DLC1: variants seen among roughly 807,000 people sequenced by gnomAD.
The protein encoded by DLC1 is rho GTPase-activating protein 7.
A neutral mutation model predicts 140.3 loss-of-function variants in DLC1; 54 were observed. The observed-to-expected ratio is 0.38, with a 90% CI of 0.31 to 0.48. The LOEUF is 0.48. Among genes scored for constraint, DLC1 ranks in the 20% least tolerant of loss-of-function variants. The pLI is 0.96. For synonymous variants in DLC1, 986 were observed against 728.1 expected (o/e 1.35, Z -5.70); for missense variants, 2,536 against 1,907.0 (o/e 1.33, Z -6.14).
intron 2 of DLC1, among the ~76,000 whole-genome samples, chr8:13,494,283 C>T (rs948280066): frequency 1.3e-5 from 2 of 152,172 alleles, no homozygotes; most frequent in Non-Finnish European, 2.9e-5. Context: ...TTGTCCCTTA[C>T]GTCTTTGATA....
At chr8:13,169,371 A>C (rs543840552) in intron 5 of DLC1, among the ~76,000 whole-genome samples, 1 of 152,348 alleles carries the variant, frequency 6.6e-6, no homozygotes, top group East Asian at 1.9e-4. Flanking sequence ...TTAATCTCTC[A>C]AATGTGAATG....
At chr8:13,603,607 T>C (rs927011456) in intron 1 of DLC1, among the ~76,000 whole-genome samples, 2 of 152,068 alleles carry the variant, frequency 1.3e-5, no homozygotes, top group Admixed American at 6.6e-5. Context: ...CTCTACATCA[T>C]AGTGGCAATT....
rs998935617 is a variant in DLC1, at chr8:13,586,552, C to A, written c.-126+17985G>T. 4.7e-5 allele frequency among the ~76,000 whole-genome samples: 7 copies of A among 149,610 alleles called. No homozygotes were observed. The Admixed American group carries it at 4.7e-4, about 10-fold the overall frequency. ...AATGAATTGAGTTTTTTTAATTAGA[C>A]TTTTTTAAATATTTAGAGAATAATG... On this transcript the variant is annotated intron_variant, in intron 1 of 1. Transcript: ENST00000631382.
At chr8:13,520,016 C>A (rs141080696) in intron 1 of DLC1, among the ~76,000 whole-genome samples, 1 of 152,174 alleles carries the variant, frequency 6.6e-6, no homozygotes, top group African/African-American at 2.4e-5. Context: ...CACTTTTACA[C>A]CGTTGGTGGG....
At chr8:13,512,817 T>C (rs1325844078) in intron 1 of DLC1, among the ~76,000 whole-genome samples, 2 of 152,112 alleles carry the variant, frequency 1.3e-5, no homozygotes, top group Non-Finnish European at 2.9e-5. Context: ...AGCATATGGA[T>C]TGATTTTCTT....
chr8:13,544,610 A>T (rs755967140), intron 1 of DLC1, among the ~76,000 whole-genome samples: 1 of 152,164 alleles, frequency 6.6e-6, no homozygotes, highest in Non-Finnish European at 1.5e-5. Flanking sequence ...TGCATGATTC[A>T]TGCTCTTGAG....
chr8:13,322,277 A>G lies in DLC1; in HGVS notation c.1315-16975T>C, dbSNP rs550830761. ...CATTTTAGCTTTGAAAGAACAATAT[A>G]TCAGTTGCTAAAATAAACAAATAAT... On this transcript the variant is annotated intron_variant, in intron 4 of 17. Coordinates refer to ENST00000276297, the MANE Select transcript of DLC1 (RefSeq NM_182643.3). Among the ~76,000 whole-genome samples, 3 of 152,336 alleles carry G rather than the reference A, an allele frequency of 2.0e-5. No individual in the cohort carries two copies. The South Asian group carries it at 6.2e-4, about 32-fold the overall frequency.
chr8:13,272,603 T>C (rs1473918278), intron 5 of DLC1, among the ~76,000 whole-genome samples: 2 of 152,318 alleles, frequency 1.3e-5, no homozygotes, highest in East Asian at 3.9e-4. Context: ...GGCTCATGCC[T>C]GTAATCCCAG....
chr8:13,570,542 G>A (rs1017493227), intron 1 of DLC1, among the ~76,000 whole-genome samples: 4 of 142,290 alleles, frequency 2.8e-5, no homozygotes, highest in African/African-American at 5.3e-5. Context: ...GAGAATATGC[G>A]GTGTTTGGTT....
intron 4 of DLC1, among the ~76,000 whole-genome samples, chr8:13,383,112 C>G (rs1349830020): frequency 6.6e-6 from 1 of 152,126 alleles, no homozygotes; most frequent in Non-Finnish European, 1.5e-5. Flanking sequence ...CTTGCAAACA[C>G]GGGGCATTTC....
intron 1 of DLC1, among the ~76,000 whole-genome samples, chr8:13,592,040 C>A (rs1166583862): frequency 1.3e-5 from 2 of 151,972 alleles, no homozygotes; most frequent in African/African-American, 4.8e-5. Context: ...AGGCTTGGAA[C>A]TGGGTAAGGT....
upstream of DLC1, among the ~76,000 whole-genome samples, chr8:13,519,495 T>C (rs1306372154): frequency 6.6e-6 from 1 of 152,184 alleles, no homozygotes; most frequent in Non-Finnish European, 1.5e-5. Flanking sequence ...ATATAATTTG[T>C]AGTTTATATT....
intron 4 of DLC1, among the ~76,000 whole-genome samples, chr8:13,376,745 G>A (rs1836009000): frequency 6.6e-6 from 1 of 152,164 alleles, no homozygotes; most frequent in African/African-American, 2.4e-5. Context: ...GTAAATTCCT[G>A]CTTTCACCCA....
At chr8:13,107,414 G>C (rs1269111248) in intron 7 of DLC1, among the ~76,000 whole-genome samples, 1 of 152,188 alleles carries the variant, frequency 6.6e-6, no homozygotes, top group Non-Finnish European at 1.5e-5. Flanking sequence ...ATATGGTCCA[G>C]TACAAGGGGA....
intron 2 of DLC1, among the ~76,000 whole-genome samples, chr8:13,431,590 G>C (rs1427239065): frequency 6.6e-6 from 1 of 150,434 alleles, no homozygotes; most frequent in Admixed American, 6.6e-5. Flanking sequence ...TTTGTTTCCA[G>C]GTAAGATTTC....
chr8:13,439,920 A>T (rs1313428830), intron 2 of DLC1, among the ~76,000 whole-genome samples: 1 of 152,088 alleles, frequency 6.6e-6, no homozygotes, highest in African/African-American at 2.4e-5. Context: ...GATCGTCATC[A>T]GTTTTTTCAG....
intron 5 of DLC1, among the ~76,000 whole-genome samples, chr8:13,294,186 T>C (rs921408964): frequency 2.0e-5 from 3 of 152,226 alleles, no homozygotes; most frequent in Non-Finnish European, 4.4e-5. Context: ...CAGAATATCA[T>C]ACAGTTTGAA....
intron 2 of DLC1, among the ~76,000 whole-genome samples, chr8:13,464,116 A>G (rs989323816): frequency 1.3e-5 from 2 of 152,154 alleles, no homozygotes; most frequent in African/African-American, 4.8e-5. Context: ...TTGTTGTTGG[A>G]TTTCTTGGAG....
At chr8:13,167,898 C>G (rs1395702827) in intron 5 of DLC1, among the ~76,000 whole-genome samples, 1 of 152,202 alleles carries the variant, frequency 6.6e-6, no homozygotes, top group Non-Finnish European at 1.5e-5. Context: ...TTAGACCACC[C>G]AATCATACAA....
Sources: gnomAD v4.1 joint callset for allele counts (sites outside exome capture counted in the v4.1 genomes callset) on GRCh38, gnomAD v4.1.1 for gene constraint, MANE v1.5 for transcripts, NCBI Gene and HGNC (gene_info 2026-07-23, HGNC 2026-07-21) for gene names.